Variants in MED12L observed in about 807,000 individuals in gnomAD.
MED12L encodes mediator complex subunit 12L, also known as mediator of RNA polymerase II transcription subunit 12-like protein.
A neutral mutation model predicts 281.3 loss-of-function variants in MED12L; 60 were observed. That is an observed-to-expected ratio of 0.21 (90% CI 0.17 to 0.26). MED12L has a LOEUF of 0.26. Ranked by LOEUF, MED12L falls within the 10% of genes least tolerant of loss-of-function variation. The pLI, the probability that MED12L is intolerant of heterozygous loss-of-function variation, is 1.00. For synonymous variants in MED12L, 974 were observed against 987.2 expected, an observed-to-expected ratio of 0.99 and a Z score of 0.25; for missense variants, 2,146 against 2,680.9, an observed-to-expected ratio of 0.80 and a Z score of 4.41.
intron 36 of MED12L, among the ~76,000 whole-genome samples, chr3:151,387,458 G>A (rs1713585554): frequency 6.6e-6 from 1 of 152,080 alleles, no homozygotes; most frequent in African/African-American, 2.4e-5. Context: ...TTTAGAACTG[G>A]TTATAATTTA....
chr3:151,382,956 A>G (rs1712657355), intron 33 of MED12L, among the ~76,000 whole-genome samples: 1 of 152,132 alleles, frequency 6.6e-6, no homozygotes, highest in Non-Finnish European at 1.5e-5. Flanking sequence ...AGTGCTAGGT[A>G]TTTTAAGCAT....
intron 16 of MED12L, among the ~76,000 whole-genome samples, chr3:151,250,516 A>G (rs1321608867): frequency 6.6e-6 from 1 of 152,196 alleles, no homozygotes; most frequent in African/African-American, 2.4e-5. Context: ...TAGAAGTGGA[A>G]TCATACAGTA....
At chr3:151,248,978 C>T (rs1289501427) in intron 16 of MED12L, 1 of 152,114 alleles carries the variant, frequency 6.6e-6, no homozygotes, top group Non-Finnish European at 1.5e-5. Context: ...TCGTGTTGAC[C>T]AGTGGGAAAC....
intron 17 of MED12L, among the ~76,000 whole-genome samples, chr3:151,354,883 A>C (rs375952797): frequency 6.6e-6 from 1 of 152,208 alleles, no homozygotes; most frequent in Non-Finnish European, 1.5e-5. Context: ...CTAAGTTGTT[A>C]GGTGTCAGGA....
In MED12L at chr3:151,387,991, G is replaced by A. The variant is rs769499850; in HGVS notation, c.5270G>A (p.Ser1757Asn). The A allele has an allele frequency of 1.2e-6, 2 of 1,613,914 alleles. No individual in the cohort carries two copies. Among genetic ancestry groups the A allele is most frequent in the East Asian group, 4.5e-5 (2 of 44,842 alleles). The change falls in exon 37 of 45, where the codon AGT becomes AAT. Residue 1757 changes from serine to asparagine, a missense_variant. By Grantham distance (46) the Ser-to-Asn change is conservative. This residue lies in a region of MED12L where 496 missense variants were observed against 512.0 expected (regional missense o/e 0.97). Coordinates refer to ENST00000687756, the MANE Select transcript of MED12L (RefSeq NM_001393769.1). ...ACACACCCCATGCCCAAGCCCCGCA[G>A]TTACTACCTCCAGCCACTGCCCCTG... is the stretch of plus-strand genomic sequence containing the variant. ...YHTHPMPKPR[S>N]YYLQPLPLPP... is the part of the protein sequence containing the mutation.
At position 151,432,871 on chromosome 3, in the gene MED12L, A is replaced by G; in HGVS notation, c.*67A>G. The G allele has an allele frequency of 1.7e-6, 2 of 1,190,998 alleles. No individual in the cohort carries two copies. Among genetic ancestry groups the G allele is most frequent in the Non-Finnish European group, 2.4e-6 (2 of 824,810 alleles). 73.8% of individuals were successfully genotyped at this position (1,190,998 alleles called of 1,614,324 possible). ...AAAAACAGAAAATCAAATTTAATGC[A>G]TTAGTCATCTTAAAAATGTCCCTTT... On this transcript the variant is annotated 3_prime_UTR_variant, in exon 45 of 45. Transcript: ENST00000687756.
chr3:151,196,761 A>T (rs894483223), intron 16 of MED12L, among the ~76,000 whole-genome samples: 1 of 152,258 alleles, frequency 6.6e-6, no homozygotes, highest in Non-Finnish European at 1.5e-5. Flanking sequence ...TATGTTTTGT[A>T]ATAGGCACTT....
intron 27 of MED12L, among the ~76,000 whole-genome samples, chr3:151,373,405 A>G (rs1756421508): frequency 6.6e-6 from 1 of 152,110 alleles, no homozygotes; most frequent in Non-Finnish European, 1.5e-5. Context: ...GGGACTGTGT[A>G]GTTACTAATT....
rs35163871 is a variant in MED12L, at chr3:151,374,547, CAAAG to C, written c.3865-1455_3865-1452del. Among the ~76,000 whole-genome samples, 652 of 150,968 alleles carry C rather than the reference CAAAG, an allele frequency of 4.3e-3. 7 individuals carry two copies. The highest frequency in any genetic ancestry group is 4.4e-3 in the Admixed American group (67 of 15,124). ...CTGGTAAGAGAGCAAGACTCTGTCT[CAAAG>C]AAAGAAAGAAAGAAAGAAAGAAATG... On this transcript the variant is annotated intron_variant, in intron 27 of 44. Coordinates refer to ENST00000687756, the MANE Select transcript of MED12L (RefSeq NM_001393769.1).
At chr3:151,102,261 A>T (rs1721481152) in intron 2 of MED12L, among the ~76,000 whole-genome samples, 1 of 152,126 alleles carries the variant, frequency 6.6e-6, no homozygotes, top group Non-Finnish European at 1.5e-5. Flanking sequence ...GTTAATCACC[A>T]GATTTGCTTG....
intron 16 of MED12L, among the ~76,000 whole-genome samples, chr3:151,273,692 C>G (rs1052108359): frequency 6.6e-6 from 1 of 152,028 alleles, no homozygotes; most frequent in Non-Finnish European, 1.5e-5. Context: ...AGATTTGAAG[C>G]CAAAAAGTCT....
intron 16 of MED12L, among the ~76,000 whole-genome samples, chr3:151,241,622 G>C (rs1252472641): frequency 6.6e-6 from 1 of 152,046 alleles, no homozygotes; most frequent in Non-Finnish European, 1.5e-5. Context: ...ATATGTGTGT[G>C]TGTATATACA....
intron 36 of MED12L, among the ~76,000 whole-genome samples, chr3:151,386,893 G>A (rs1036144710): frequency 6.6e-6 from 1 of 152,028 alleles, no homozygotes; most frequent in African/African-American, 2.4e-5. Flanking sequence ...ATTCTTAGTA[G>A]AGACGGGGTT....
At chr3:151,395,561 G>A (rs1348830068) in intron 39 of MED12L, among the ~76,000 whole-genome samples, 1 of 151,970 alleles carries the variant, frequency 6.6e-6, no homozygotes, top group Non-Finnish European at 1.5e-5. Flanking sequence ...GTGAGAATGG[G>A]GATTTCTTTT....
Position 151,247,095 on chromosome 3 carries a change from T to C in MED12L, c.2250+53429T>C, listed in dbSNP as rs373580380. 9.9e-5 allele frequency among the ~76,000 whole-genome samples: 15 copies of C among 152,186 alleles called. No individual in the cohort carries two copies. The East Asian group carries it at 1.2e-3, about 12-fold the overall frequency. ...CTCACACCAGTTAGATTGGCAATAA[T>C]TAAAAAGTCAGGAAACAACAGGTGC... On this transcript the variant is annotated intron_variant, in intron 16 of 44. Transcript: ENST00000687756.
At chr3:151,190,989 T>C in intron 14 of MED12L, 58 bp downstream of exon 14, 1 of 1,475,052 alleles carries the variant, frequency 6.8e-7, no homozygotes, top group Non-Finnish European at 9.4e-7. Flanking sequence ...CTGGGAACCA[T>C]GTTCAAATGG....
chr3:151,390,156 G>A (rs1294675318), intron 38 of MED12L, 21 bp downstream of exon 38: 15 of 1,612,400 alleles, frequency 9.3e-6, no homozygotes, highest in Admixed American at 1.7e-5. Flanking sequence ...AGAAAGCACA[G>A]ATCACTCAGA....
At chr3:151,219,720 T>A (rs1728949960) in intron 16 of MED12L, 1 of 152,226 alleles carries the variant, frequency 6.6e-6, no homozygotes, top group African/African-American at 2.4e-5. Context: ...CTGTACTTAC[T>A]TCTTAAATTC....
chr3:151,382,609 T>A, intron 32 of MED12L, 47 bp from the exon 33 acceptor site: 2 of 1,391,680 alleles, frequency 1.4e-6, no homozygotes, highest in Non-Finnish European at 2.0e-6. Flanking sequence ...TATCTTTAAA[T>A]GAGAGAAAAA....
Sources: allele counts gnomAD v4.1 joint callset (sites outside exome capture counted in the v4.1 genomes callset), GRCh38; gene constraint gnomAD v4.1.1; regional missense constraint gnomAD v4.1.1; transcripts MANE v1.5; gene names NCBI Gene and HGNC (gene_info 2026-07-23, HGNC 2026-07-21).